Variants in PCDHGA7 observed in about 807,000 individuals in gnomAD.
The protein encoded by PCDHGA7 is protocadherin gamma-A7.
A neutral mutation model predicts 58.3 loss-of-function variants in PCDHGA7; 44 were observed. The ratio of observed to expected loss-of-function variants is 0.75; its 90% CI spans 0.59 to 0.97. The LOEUF (loss-of-function observed/expected upper bound fraction) is 0.97. Among genes scored for constraint, PCDHGA7 ranks in the 50% least tolerant of loss-of-function variants. PCDHGA7 has a pLI of 0.00. For missense variants in PCDHGA7, 1,266 were observed against 1,188.7 expected, an observed-to-expected ratio of 1.06 and a Z score of -0.96; for synonymous variants, 516 against 504.2, an observed-to-expected ratio of 1.02 and a Z score of -0.31.
At chr5:141,509,823 TTCTC>T (rs2099878456) in intron 3 of PCDHGA7, among the ~76,000 whole-genome samples, 1 of 152,170 alleles carries the variant, frequency 6.6e-6, no homozygotes, top group Non-Finnish European at 1.5e-5. Flanking sequence ...CTTCTCCATC[TTCTC>T]TCTACCTCCC....
At position 141,490,735 on chromosome 5, in the gene PCDHGA7, C is replaced by T; in HGVS notation, c.2425-4072C>T. The T allele has an allele frequency of 2.5e-6, 4 of 1,614,194 alleles. No individual in the cohort carries two copies. Among genetic ancestry groups the T allele is most frequent in the Non-Finnish European group, 2.5e-6 (3 of 1,180,018 alleles). ...CTACTCCATTGTAGGAAATCAGGTTCAGGGAGCCCCAGCCTCCTCCTTTGT... is the reference window on the plus strand; with the variant it reads ...CTACTCCATTGTAGGAAATCAGGTTTAGGGAGCCCCAGCCTCCTCCTTTGT... On this transcript the variant is annotated intron_variant, in intron 1 of 3. Transcript: ENST00000518325. This position sits in a 1 kb window ranked among gnomAD's most constrained non-coding sequence, Gnocchi z 5.4.
At chr5:141,413,353 C>T (rs2095629361) in intron 1 of PCDHGA7, 2 of 1,613,844 alleles carry the variant, frequency 1.2e-6, no homozygotes, top group Middle Eastern at 1.6e-4. Context: ...GGGTCTGGCG[C>T]CCCGGGAGCT....
Position 141,431,132 on chromosome 5 carries a change from G to A in PCDHGA7, c.2424+45809G>A. On this transcript the variant is annotated intron_variant, in intron 1 of 3. Coordinates refer to ENST00000518325, the MANE Select transcript of PCDHGA7 (RefSeq NM_018920.4). This position sits in a 1 kb window ranked among gnomAD's most constrained non-coding sequence, Gnocchi z 4.8. ...ATATGGAGTAGAAGTAGAAGTAAGGGACATTAACGACAATGCGCCTTACTT... is the reference window on the plus strand; with the variant it reads ...ATATGGAGTAGAAGTAGAAGTAAGGAACATTAACGACAATGCGCCTTACTT... 2 of 1,614,232 alleles carry A rather than the reference G, an allele frequency of 1.2e-6. No individual in the cohort carries two copies. The highest frequency in any genetic ancestry group is 8.5e-7 in the Non-Finnish European group (1 of 1,180,024).
intron 1 of PCDHGA7, chr5:141,404,997 C>A (rs2154535986): frequency 6.2e-7 from 1 of 1,614,034 alleles, no homozygotes; most frequent in East Asian, 2.2e-5. Context: ...CAGATCCCTG[C>A]AGACCTGGAG....
intron 1 of PCDHGA7, among the ~76,000 whole-genome samples, chr5:141,472,405 G>A (rs1207849470): frequency 6.6e-6 from 1 of 152,086 alleles, no homozygotes; most frequent in Non-Finnish European, 1.5e-5. Flanking sequence ...GCCAGGCGTG[G>A]TGGCACGCAC....
intron 1 of PCDHGA7, chr5:141,423,925 T>C (rs17097293): frequency 0.23 from 286,429 of 1,244,544 alleles, 36,355 homozygotes; most frequent in African/African-American, 0.51. Flanking sequence ...ACTATGCTGG[T>C]TTGGTTTGAA....
rs756237595 is a variant in PCDHGA7, at chr5:141,398,946, C to T, written c.2424+13623C>T. The T allele has an allele frequency of 1.9e-6, 3 of 1,613,830 alleles. No individual in the cohort carries two copies. The Admixed American group carries it at 5.0e-5, about 27-fold the overall frequency. ...CAGCCACTGACCAAGACGAGGGCAT[C>T]AACTCAGAAATTACTTATTCCTTCT... On this transcript the variant is annotated intron_variant, in intron 1 of 3. Coordinates refer to ENST00000518325, the MANE Select transcript of PCDHGA7 (RefSeq NM_018920.4).
Position 141,431,570 on chromosome 5 carries a change from G to T in PCDHGA7, c.2424+46247G>T. On this transcript the variant is annotated intron_variant, in intron 1 of 3. Coordinates refer to ENST00000518325, the MANE Select transcript of PCDHGA7 (RefSeq NM_018920.4). This position sits in a 1 kb window ranked among gnomAD's most constrained non-coding sequence, Gnocchi z 4.8. The stretch of plus-strand genomic sequence containing the variant: ...TGTAGTCAACGCTACCGACCCTGAC[G>T]AAGGAGTCAATGCGGAAGTGAGGTA... The T allele has an allele frequency of 6.2e-7, 1 of 1,614,172 alleles. No homozygotes were observed. Among genetic ancestry groups the T allele is most frequent in the Non-Finnish European group, 8.5e-7 (1 of 1,180,024 alleles).
At chr5:141,506,993 C>T (rs781663602) in intron 3 of PCDHGA7, 18 of 152,184 alleles carry the variant, frequency 1.2e-4, no homozygotes, top group Non-Finnish European at 1.8e-4. Context: ...TTCTCACACT[C>T]GACAGATGAG....
At chr5:141,393,075 G>A in intron 1 of PCDHGA7, 1 of 1,613,702 alleles carries the variant, frequency 6.2e-7, no homozygotes, top group Non-Finnish European at 8.5e-7. Context: ...GATCACCGCG[G>A]GCAGGATAGA....
chr5:141,394,081 T>C, intron 1 of PCDHGA7: 3 of 1,613,892 alleles, frequency 1.9e-6, no homozygotes, highest in Non-Finnish European at 2.5e-6. Context: ...ATCACAGTGA[T>C]GGCCTCAGAT....
intron 1 of PCDHGA7, chr5:141,422,129 A>T: frequency 6.3e-7 from 1 of 1,599,702 alleles, no homozygotes; most frequent in East Asian, 2.2e-5. Flanking sequence ...CAAACTGGAG[A>T]AGTTCAAGTA....
At chr5:141,497,212 G>C (rs968445663) in intron 2 of PCDHGA7, among the ~76,000 whole-genome samples, 2 of 151,018 alleles carry the variant, frequency 1.3e-5, no homozygotes, top group East Asian at 3.9e-4. Context: ...AGTGTAATGG[G>C]GGGGGGAAGA....
rs376494807 is a variant in PCDHGA7 at position 141,491,836 on chromosome 5, G to A, written c.2425-2971G>A. 4.2e-5 allele frequency: 62 copies of A among 1,472,880 alleles called. No homozygotes were observed. The highest frequency in any genetic ancestry group is 3.6e-4 in the Middle Eastern group (2 of 5,606). 91.2% of individuals were successfully genotyped at this position (1,472,880 alleles called of 1,614,324 possible). A position where few individuals can be genotyped will look rare whatever the true frequency, so the allele number is the denominator to read the frequency against. On this transcript the variant is annotated intron_variant, in intron 1 of 3. Coordinates refer to ENST00000518325, the MANE Select transcript of PCDHGA7 (RefSeq NM_018920.4). This position sits in a 1 kb window ranked among gnomAD's most constrained non-coding sequence, Gnocchi z 6.9. ...CTGGCTGCGCTCCACCCGATTCTCG[G>A]GATCATTGGACCGTTTGCGCGAAAC...
intron 1 of PCDHGA7, among the ~76,000 whole-genome samples, chr5:141,442,888 GCTTATCA>G (rs776180931): frequency 8.5e-5 from 13 of 152,204 alleles, no homozygotes; most frequent in Non-Finnish European, 1.8e-4. Flanking sequence ...CAGAATCCCT[GCTTATCA>G]CTTCTCCTTC....
chr5:141,481,724 C>T (rs1301509633), intron 1 of PCDHGA7, among the ~76,000 whole-genome samples: 2 of 151,882 alleles, frequency 1.3e-5, no homozygotes. Context: ...GAGGCGGAGG[C>T]GGGCGGATCA....
Position 141,486,142 on chromosome 5 carries a change from C to T in PCDHGA7, c.2425-8665C>T. 6.2e-7 allele frequency: 1 copy of T among 1,614,200 alleles called. No homozygotes were observed. The highest frequency in any genetic ancestry group is 1.3e-5 in the African/African-American group (1 of 75,052). ...ACTATGAATTTGATGTGCGGGCTCG[C>T]GATGGGGGTTCTCCAGCCATGGAGC... On this transcript the variant is annotated intron_variant, in intron 1 of 3. Coordinates refer to ENST00000518325, the MANE Select transcript of PCDHGA7 (RefSeq NM_018920.4). This position sits in a 1 kb window ranked among gnomAD's most constrained non-coding sequence, Gnocchi z 5.0.
intron 1 of PCDHGA7, among the ~76,000 whole-genome samples, chr5:141,460,369 T>C (rs1048970945): frequency 2.1e-4 from 32 of 152,322 alleles, no homozygotes; most frequent in African/African-American, 7.7e-4. Flanking sequence ...AGTTTTATAG[T>C]TTTACCATTT....
chr5:141,477,221 A>G lies in PCDHGA7; in HGVS notation c.2425-17586A>G, dbSNP rs771608717. 1 of 1,614,178 alleles carries G rather than the reference A, an allele frequency of 6.2e-7. No homozygotes were observed. The highest frequency in any genetic ancestry group is 8.5e-7 in the Non-Finnish European group (1 of 1,180,044). ...AGTACCCGAGGATGCCCCTCTGGGG[A>G]CTGTCATCGCTTTGCTCAGTGTGAC... On this transcript the variant is annotated intron_variant, in intron 1 of 3. Coordinates refer to ENST00000518325, the MANE Select transcript of PCDHGA7 (RefSeq NM_018920.4). This position sits in a 1 kb window ranked among gnomAD's most constrained non-coding sequence, Gnocchi z 4.9.
Sources: allele counts gnomAD v4.1 joint callset (sites outside exome capture counted in the v4.1 genomes callset), GRCh38; gene constraint gnomAD v4.1.1; non-coding constraint Gnocchi (gnomAD v3.1); transcripts MANE v1.5; gene names NCBI Gene and HGNC (gene_info 2026-07-23, HGNC 2026-07-21).